Variants in ARPC2 observed in about 807,000 individuals in gnomAD.
ARPC2 encodes actin related protein 2/3 complex subunit 2.
Under a neutral mutation model 38.6 loss-of-function variants are expected in ARPC2, and 4 were observed. The observed-to-expected ratio is 0.10, with a 90% confidence interval of 0.05 to 0.24. The LOEUF (loss-of-function observed/expected upper bound fraction) is 0.24, where lower values mean the gene tolerates loss of function less well. Ranked by LOEUF, ARPC2 falls within the 10% of genes least tolerant of loss-of-function variation. The pLI, the probability that ARPC2 is intolerant of heterozygous loss-of-function variation, is 1.00. For missense variants in ARPC2, 229 were observed against 387.3 expected (o/e 0.59, Z 3.43); for synonymous variants, 125 against 140.8 (o/e 0.89, Z 0.79).
intron 2 of ARPC2, among the ~76,000 whole-genome samples, chr2:218,222,136 G>T: frequency 6.6e-6 from 1 of 152,128 alleles, no homozygotes; most frequent in Non-Finnish European, 1.5e-5. Flanking sequence ...GTGTGGTGGC[G>T]CACACCTGTA....
chr2:218,243,537 C>A (rs186168987), intron 7 of ARPC2, among the ~76,000 whole-genome samples: 1 of 152,108 alleles, frequency 6.6e-6, no homozygotes, highest in Non-Finnish European at 1.5e-5. Flanking sequence ...CAGCACTTTG[C>A]GGGGCCTAGG....
chr2:218,222,657 C>G (rs1689409746), intron 2 of ARPC2, among the ~76,000 whole-genome samples: 2 of 152,124 alleles, frequency 1.3e-5, no homozygotes, highest in South Asian at 4.1e-4. Flanking sequence ...AAAACCTCTC[C>G]CAACCACAGC....
intron 3 of ARPC2, 114 bp downstream of exon 3, chr2:218,226,068 G>T: frequency 1.0e-6 from 1 of 1,002,956 alleles, no homozygotes; most frequent in Non-Finnish European, 1.5e-6. Flanking sequence ...TCCGAGGCAG[G>T]TGGATCACCT....
chr2:218,243,915 A>G (rs1344642307), intron 7 of ARPC2, among the ~76,000 whole-genome samples: 2 of 152,224 alleles, frequency 1.3e-5, no homozygotes, highest in South Asian at 2.1e-4. Context: ...TGTGAATACC[A>G]CATGTACCTG....
chr2:218,234,453 A>G, intron 5 of ARPC2, 56 bp downstream of exon 5: 1 of 1,348,776 alleles, frequency 7.4e-7, no homozygotes, highest in Non-Finnish European at 1.0e-6. Flanking sequence ...TGTCCTTTTT[A>G]TATTATGCTT....
intron 6 of ARPC2, 80 bp downstream of exon 6, chr2:218,238,930 T>G: frequency 8.5e-6 from 10 of 1,172,222 alleles, no homozygotes; most frequent in Non-Finnish European, 1.2e-5. Context: ...TATGGCTTGG[T>G]CAAACTTTCA....
chr2:218,252,910 TAGAA>T (rs768673506), intron 10 of ARPC2: 6 of 456,552 alleles, frequency 1.3e-5, no homozygotes, highest in Admixed American at 2.3e-5. Flanking sequence ...CTCTGGGACT[TAGAA>T]AGAGCAACTT....
chr2:218,219,132 A>G (rs1689326755), intron 2 of ARPC2, among the ~76,000 whole-genome samples: 1 of 152,224 alleles, frequency 6.6e-6, no homozygotes, highest in African/African-American at 2.4e-5. Context: ...CTGATCTACA[A>G]GATAAATGGC....
intron 7 of ARPC2, among the ~76,000 whole-genome samples, chr2:218,244,894 C>T (rs1262417456): frequency 6.6e-6 from 1 of 152,232 alleles, no homozygotes; most frequent in Non-Finnish European, 1.5e-5. Flanking sequence ...CCTTGTATTA[C>T]TTGTCTATTT....
intron 8 of ARPC2, among the ~76,000 whole-genome samples, chr2:218,247,354 C>G (rs923891820): frequency 2.6e-5 from 4 of 152,240 alleles, no homozygotes; most frequent in African/African-American, 9.6e-5. Context: ...ACACTGCACC[C>G]AATGCCACTG....
intron 7 of ARPC2, among the ~76,000 whole-genome samples, chr2:218,243,728 A>G (rs2106156619): frequency 6.6e-6 from 1 of 152,340 alleles, no homozygotes; most frequent in South Asian, 2.1e-4. Flanking sequence ...GTGAGCCAAG[A>G]TCACGCCACT....
chr2:218,225,997 T>C, intron 3 of ARPC2, 43 bp downstream of exon 3: 1 of 1,605,010 alleles, frequency 6.2e-7, no homozygotes, highest in East Asian at 2.2e-5. Context: ...AGGTACAATA[T>C]GAAAAATAGG....
chr2:218,222,834 G>A lies in ARPC2; in HGVS notation c.75-3086G>A, dbSNP rs1689414630. 2.0e-5 allele frequency among the ~76,000 whole-genome samples: 3 copies of A among 152,172 alleles called. No homozygotes were observed. In the South Asian group the frequency reaches 6.2e-4, roughly 32 times the overall value. ...AAACCAGGGCTCTTGAGGATTGGGG[G>A]TGGGGGTAGATATTGAATAAGTAAC... On this transcript the variant is annotated intron_variant, in intron 2 of 10. Transcript: ENST00000315717.
chr2:218,246,471 A>G lies in ARPC2; in HGVS notation c.676+925A>G, dbSNP rs920815264. 3.3e-5 allele frequency among the ~76,000 whole-genome samples: 5 copies of G among 152,188 alleles called. No homozygotes were observed. The East Asian group carries it at 7.7e-4, about 23-fold the overall frequency. On this transcript the variant is annotated intron_variant, in intron 8 of 10. Coordinates refer to ENST00000315717, the MANE Select transcript of ARPC2 (RefSeq NM_152862.3). The stretch of plus-strand genomic sequence containing the variant: ...CTTGGACCCAGGAGGCGGAGGTTGC[A>G]GTGAGCTGAGATCACACCATTGCAC...
At chr2:218,230,787 T>A (rs1246424182) in intron 4 of ARPC2, among the ~76,000 whole-genome samples, 1 of 151,642 alleles carries the variant, frequency 6.6e-6, no homozygotes, top group Non-Finnish European at 1.5e-5. Flanking sequence ...GGGGTTCAAG[T>A]GGGGAGAGTT....
At chr2:218,233,663 G>A (rs915440384) in intron 4 of ARPC2, 2 of 127,650 alleles carry the variant, frequency 1.6e-5, no homozygotes, top group East Asian at 2.3e-4. Flanking sequence ...ATCAGTTCCC[G>A]AGAGTCCTGG....
chr2:218,247,867 TG>T (rs1031143738), intron 8 of ARPC2, among the ~76,000 whole-genome samples: 18 of 151,088 alleles, frequency 1.2e-4, no homozygotes, highest in African/African-American at 4.4e-4. Context: ...GGCGTGAACC[TG>T]GGAGGCGGAG....
chr2:218,217,363 C>T, intron 1 of ARPC2, 100 bp from the exon 2 acceptor site: 1 of 1,107,506 alleles, frequency 9.0e-7, no homozygotes, highest in Non-Finnish European at 1.4e-6. Flanking sequence ...AACCTCCTAC[C>T]CCACCCAGCC....
intron 7 of ARPC2, among the ~76,000 whole-genome samples, chr2:218,241,561 T>A (rs1366832261): frequency 1.3e-5 from 2 of 152,256 alleles, no homozygotes; most frequent in Non-Finnish European, 2.9e-5. Flanking sequence ...AGTATATATT[T>A]AGATTTGGCT....
Sources: allele counts gnomAD v4.1 joint callset (sites outside exome capture counted in the v4.1 genomes callset), GRCh38; gene constraint gnomAD v4.1.1; transcripts MANE v1.5; gene names NCBI Gene and HGNC (gene_info 2026-07-23, HGNC 2026-07-21).